Variants in RPS6KC1 observed in about 807,000 individuals in gnomAD.
The protein encoded by RPS6KC1 is inactive ribosomal protein S6 kinase delta-1.
A neutral mutation model predicts 103.8 loss-of-function variants in RPS6KC1; 54 were observed. That is an observed-to-expected ratio of 0.52 (90% CI 0.42 to 0.65). The LOEUF (loss-of-function observed/expected upper bound fraction) is 0.65, where lower values mean the gene tolerates loss of function less well. RPS6KC1 is among the 30% of genes least tolerant of loss of function. The pLI is 0.00. For missense variants in RPS6KC1, 1,151 were observed against 1,253.8 expected, an observed-to-expected ratio of 0.92 and a Z score of 1.24; for synonymous variants, 439 against 438.7, an observed-to-expected ratio of 1.00 and a Z score of -0.01.
the RPS6KC1 span, among the ~76,000 whole-genome samples, chr1:213,619,556 T>C: frequency 6.6e-6 from 1 of 152,018 alleles, no homozygotes; most frequent in African/African-American, 2.4e-5. Context: ...GCCAAGAGAG[T>C]CTGCAACAGC....
rs1372646205 is a variant in RPS6KC1 at position 213,217,047 on chromosome 1, C to T, written c.1045-13450C>T. 2.6e-5 allele frequency among the ~76,000 whole-genome samples: 4 copies of T among 151,554 alleles called. No individual in the cohort carries two copies. In the East Asian group the frequency reaches 5.8e-4, roughly 22 times the overall value. ...AGAGCAGAGCTGAAGGAGATAGAGA[C>T]ACAAAAAACCCTTCAAAACATCAAT... On this transcript the variant is annotated intron_variant, in intron 8 of 14. Coordinates refer to ENST00000366960, the MANE Select transcript of RPS6KC1 (RefSeq NM_012424.6).
the RPS6KC1 span, among the ~76,000 whole-genome samples, chr1:213,663,101 T>C: frequency 6.6e-6 from 1 of 152,248 alleles, no homozygotes. Context: ...ATTTGTAAAC[T>C]ATTGATTCCT....
At chr1:213,775,293 G>A in the RPS6KC1 span, among the ~76,000 whole-genome samples, 1 of 152,044 alleles carries the variant, frequency 6.6e-6, no homozygotes, top group Non-Finnish European at 1.5e-5. Context: ...ATAATAGGTG[G>A]TCTAATGTTA....
rs552096300 is a variant in RPS6KC1, at chr1:213,254,364, T to C, written c.2912-7194T>C. On this transcript the variant is annotated intron_variant, in intron 12 of 14. Coordinates refer to ENST00000366960, the MANE Select transcript of RPS6KC1 (RefSeq NM_012424.6). ...AAAAGATGATAATGGTTAGATTTAG[T>C]GACCCTGATTCATTTCACTTACCAC... is the stretch of plus-strand genomic sequence containing the variant. 1.1e-3 allele frequency among the ~76,000 whole-genome samples: 172 copies of C among 152,332 alleles called. 1 individual carries two copies. The highest frequency in any genetic ancestry group is 3.9e-3 in the African/African-American group (164 of 41,580).
At chr1:213,313,596 T>C in the RPS6KC1 span, among the ~76,000 whole-genome samples, 1 of 152,248 alleles carries the variant, frequency 6.6e-6, no homozygotes, top group Non-Finnish European at 1.5e-5. Flanking sequence ...CAGTCAGTCA[T>C]TTGTATGTCT....
chr1:213,431,653 GTA>G, the RPS6KC1 span, among the ~76,000 whole-genome samples: 80 of 119,828 alleles, frequency 6.7e-4, no homozygotes, highest in African/African-American at 2.0e-3. Context: ...TTGTTTGTGT[GTA>G]TGTGTGTGTG....
At chr1:213,315,099 G>A in the RPS6KC1 span, among the ~76,000 whole-genome samples, 1 of 152,218 alleles carries the variant, frequency 6.6e-6, no homozygotes, top group Non-Finnish European at 1.5e-5. Flanking sequence ...TGATGTGATA[G>A]AACAGCAAGC....
the RPS6KC1 span, among the ~76,000 whole-genome samples, chr1:213,516,657 T>C: frequency 2.0e-4 from 30 of 152,350 alleles, no homozygotes; most frequent in African/African-American, 6.7e-4. Context: ...GATTTTGGCA[T>C]CGATGTTCAT....
the RPS6KC1 span, among the ~76,000 whole-genome samples, chr1:213,639,402 C>G: frequency 6.6e-6 from 1 of 152,016 alleles, no homozygotes; most frequent in Non-Finnish European, 1.5e-5. Context: ...GAGAATGGAT[C>G]TCCTAGATGG....
At chr1:213,152,840 CG>C (rs1454374167) in intron 6 of RPS6KC1, among the ~76,000 whole-genome samples, 1 of 152,142 alleles carries the variant, frequency 6.6e-6, no homozygotes, top group African/African-American at 2.4e-5. Flanking sequence ...GACGGGGTGG[CG>C]GCCGGGCAGA....
At chr1:213,355,280 G>A in the RPS6KC1 span, among the ~76,000 whole-genome samples, 5 of 152,198 alleles carry the variant, frequency 3.3e-5, no homozygotes, top group South Asian at 1.0e-3. Context: ...AAGGGAGTGG[G>A]TGAAGGGGGC....
chr1:213,313,752 C>T, the RPS6KC1 span, among the ~76,000 whole-genome samples: 1 of 152,092 alleles, frequency 6.6e-6, no homozygotes, highest in Non-Finnish European at 1.5e-5. Context: ...ATCACCAGGT[C>T]AGGAGACTGA....
At chr1:213,252,502 A>G (rs151269153) in intron 12 of RPS6KC1, among the ~76,000 whole-genome samples, 10 of 152,222 alleles carry the variant, frequency 6.6e-5, no homozygotes, top group Non-Finnish European at 1.2e-4. Flanking sequence ...TAGACATTCC[A>G]GCTGCCTTTC....
Position 213,077,816 on chromosome 1 carries a change from G to A in RPS6KC1, c.262G>A (p.Gly88Arg). The A allele has an allele frequency of 1.3e-6, 2 of 1,509,054 alleles. No individual in the cohort carries two copies. Among genetic ancestry groups the A allele is most frequent in the Non-Finnish European group, 1.8e-6 (2 of 1,124,072 alleles). 93.5% of individuals were successfully genotyped at this position (1,509,054 alleles called of 1,614,324 possible). Residue 88 changes from glycine to arginine, a missense_variant and splice_region_variant, in exon 3 of 15, where the codon GGG (glycine) becomes AGG (arginine). This residue lies in a region of RPS6KC1 where 959 missense variants were observed against 1,006.3 expected (regional missense o/e 0.95). Transcript: ENST00000366960. ...TCCATTTGCTAAAGGAATAGTGTTT[G>A]GTAAGTGATTATTTTGAAATTGTAA... ...FPPFAKGIVF[G>R]RFDETVIEER...
chr1:213,675,980 C>T, the RPS6KC1 span, among the ~76,000 whole-genome samples: 61 of 152,162 alleles, frequency 4.0e-4, no homozygotes, highest in Admixed American at 4.0e-3. Context: ...TCAGCTAAAC[C>T]TATTACATCC....
chr1:213,150,295 GTTATTTATTTAT>G (rs138250765), intron 6 of RPS6KC1, among the ~76,000 whole-genome samples: 103 of 148,078 alleles, frequency 7.0e-4, no homozygotes, highest in East Asian at 1.8e-3. Flanking sequence ...TACATTATAT[GTTATTTATTTAT>G]TTATTTATTT....
At chr1:213,447,967 A>C in the RPS6KC1 span, among the ~76,000 whole-genome samples, 1 of 152,124 alleles carries the variant, frequency 6.6e-6, no homozygotes, top group African/African-American at 2.4e-5. Flanking sequence ...ATGGGGGCTC[A>C]TGCCTGTAAT....
chr1:213,485,244 C>A, the RPS6KC1 span, among the ~76,000 whole-genome samples: 1 of 152,160 alleles, frequency 6.6e-6, no homozygotes, highest in African/African-American at 2.4e-5. Flanking sequence ...GAAAATGGCT[C>A]AGAACACACC....
chr1:213,381,066 T>C, the RPS6KC1 span, among the ~76,000 whole-genome samples: 32 of 152,270 alleles, frequency 2.1e-4, no homozygotes, highest in Non-Finnish European at 3.7e-4. Flanking sequence ...TTCTTAACGA[T>C]TGGCGCTCGG....
Sources: allele counts gnomAD v4.1 joint callset (sites outside exome capture counted in the v4.1 genomes callset), GRCh38; gene constraint gnomAD v4.1.1; regional missense constraint gnomAD v4.1.1; transcripts MANE v1.5; gene names NCBI Gene and HGNC (gene_info 2026-07-23, HGNC 2026-07-21).